Variants in CCDC187 observed in about 807,000 individuals in gnomAD.
CCDC187 encodes the protein coiled-coil domain-containing protein 187.
CCDC187 carries 32 observed loss-of-function variants against 38.0 expected under a neutral mutation model. The ratio of observed to expected loss-of-function variants is 0.84; its 90% CI spans 0.64 to 1.13. The LOEUF (loss-of-function observed/expected upper bound fraction) is 1.13. Ranked by LOEUF, CCDC187 falls within the 50% of genes most tolerant of loss-of-function variation. The probability of loss-of-function intolerance (pLI) is 0.00; values close to 1 mark genes in which losing one functional copy is unlikely to be tolerated. For missense variants in CCDC187, 707 were observed against 786.8 expected (o/e 0.90, Z 1.21); for synonymous variants, 333 against 347.9 (o/e 0.96, Z 0.48).
In CCDC187 at chr9:136,274,957, C is replaced by G. The variant is rs1354754991; in HGVS notation, c.3276G>C (p.Lys1092Asn). The G allele has an allele frequency of 2.3e-4, 35 of 152,458 alleles. No homozygotes were observed. Among genetic ancestry groups the G allele is most frequent in the Admixed American group, 2.3e-3 (35 of 15,292 alleles). The allele number at this position is 152,458 out of a possible 1,614,324, so 9.4% of individuals were successfully genotyped here. A position where few individuals can be genotyped will look rare whatever the true frequency, so the allele number is the denominator to read the frequency against. ...STQARPEEAL[K>N]LEQPPMCKDR... ...CCTTGCACATCGGAGGCTGCTCCAGCTTCAACGCCTCCTCTGGCCTGGCCT... is the reference window on the plus strand; with the variant it reads ...CCTTGCACATCGGAGGCTGCTCCAGGTTCAACGCCTCCTCTGGCCTGGCCT... Residue 1092 changes from lysine (K) to asparagine (N), a missense_variant, in exon 13 of 26, where the codon AAG becomes AAC. Physicochemically the swap from Lys to Asn is moderately conservative, Grantham distance 94 (BLOSUM62 0). Transcript: ENST00000638797.
intron 4 of CCDC187, among the ~76,000 whole-genome samples, chr9:136,293,669 C>T (rs926775362): frequency 0.076 from 10,965 of 143,352 alleles, 450 homozygotes; most frequent in East Asian, 0.2. Flanking sequence ...CTCTGTCACA[C>T]GCATGCCCTC....
intron 14 of CCDC187, among the ~76,000 whole-genome samples, chr9:136,270,584 G>C (rs1391445788): frequency 6.6e-6 from 1 of 152,156 alleles, no homozygotes; most frequent in Non-Finnish European, 1.5e-5. Flanking sequence ...AGACAAGGAG[G>C]GTGACCACTG....
rs34953600 is a variant in CCDC187, at chr9:136,254,639, G to A, written c.5189C>T (p.Pro1730Leu). Residue 1730 changes from proline (P) to leucine (L), a missense_variant, in exon 26 of 26, where the codon CCG becomes CTG. Transcript: ENST00000638797. ...LDTAMAEVSA[P>L]EQSPKAGWLL... ...CCAGCCTGCCTTTGGGCTTTGCTCC[G>A]GCGCTGAAACTTCTGCCATGGCCGT... 3.1e-4 allele frequency: 303 copies of A among 985,532 alleles called. 5 individuals are homozygous for A. In the East Asian group the frequency reaches 0.024, roughly 79 times the overall value. 61.0% of individuals were successfully genotyped at this position (985,532 alleles called of 1,614,324 possible). A position where few individuals can be genotyped will look rare whatever the true frequency, so the allele number is the denominator to read the frequency against.
chr9:136,283,295 G>A (rs1016629744), intron 9 of CCDC187, among the ~76,000 whole-genome samples: 13 of 152,310 alleles, frequency 8.5e-5, no homozygotes, highest in South Asian at 4.2e-4. Flanking sequence ...TCTGAGAGGC[G>A]GCCGGGATCT....
chr9:136,270,068 A>G (rs1554762165), intron 14 of CCDC187, among the ~76,000 whole-genome samples: 1 of 152,284 alleles, frequency 6.6e-6, no homozygotes, highest in Non-Finnish European at 1.5e-5. Flanking sequence ...AAAGAATAAA[A>G]GAATACAAAG....
intron 17 of CCDC187, 91 bp downstream of exon 17, chr9:136,265,865 G>A (rs782618862): frequency 2.9e-5 from 18 of 626,076 alleles, no homozygotes; most frequent in Non-Finnish European, 3.4e-5. Context: ...TAGCTCTGTT[G>A]CTGGGGAATG....
chr9:136,274,332 G>C (rs573460101), intron 14 of CCDC187, among the ~76,000 whole-genome samples: 2 of 152,344 alleles, frequency 1.3e-5, no homozygotes, highest in African/African-American at 4.8e-5. Context: ...TGGTCCCCCA[G>C]CTCTAGGGAA....
chr9:136,281,122 C>T (rs1486205275), intron 10 of CCDC187: 3 of 299,200 alleles, frequency 1.0e-5, no homozygotes, highest in African/African-American at 4.3e-5. Flanking sequence ...GCACGAGGCC[C>T]TCAAGCCCAG....
chr9:136,288,277 G>A (rs1315928627), intron 7 of CCDC187, among the ~76,000 whole-genome samples: 2 of 152,192 alleles, frequency 1.3e-5, no homozygotes, highest in Non-Finnish European at 2.9e-5. Flanking sequence ...TCCCGGGAAA[G>A]AATCCCAAAA....
chr9:136,250,945 C>T lies in CCDC187; in HGVS notation c.*2649G>A, dbSNP rs1353149252. The T allele has an allele frequency of 2.2e-6, 1 of 454,068 alleles. No individual in the cohort carries two copies. The highest frequency in any genetic ancestry group is 4.4e-6 in the Non-Finnish European group (1 of 225,246). The allele number at this position is 454,068 out of a possible 1,614,324, so 28.1% of individuals were successfully genotyped here. A position where few individuals can be genotyped will look rare whatever the true frequency, so the allele number is the denominator to read the frequency against. ...AGGGGCCTGGGGTCTCTCACCAGAG[C>T]TATGGGGTAGAGGGCCTTGGCAGCT... On this transcript the variant is annotated 3_prime_UTR_variant, in exon 26 of 26. Transcript: ENST00000638797.
At chr9:136,279,118 T>G (rs1421991566) in intron 10 of CCDC187, among the ~76,000 whole-genome samples, 1 of 152,034 alleles carries the variant, frequency 6.6e-6, no homozygotes, top group African/African-American at 2.4e-5. Flanking sequence ...ACAGAGCTAG[T>G]CTACATGTTT....
At position 136,251,369 on chromosome 9, in the gene CCDC187, C is replaced by T. The variant is rs1260046735; in HGVS notation, c.*2225G>A. The T allele has an allele frequency of 2.6e-5, 7 of 268,650 alleles. No individual in the cohort carries two copies. Among genetic ancestry groups the T allele is most frequent in the East Asian group, 1.8e-4 (2 of 10,878 alleles). The allele number at this position is 268,650 out of a possible 1,614,324, so 16.6% of individuals were successfully genotyped here. A position where few individuals can be genotyped will look rare whatever the true frequency, so the allele number is the denominator to read the frequency against. Reference sequence around the variant, plus strand: ...GATCCCCAGAGGAAAAGCCCCCGGCCGTGCGGGCTGCGCAGAAATGACCTT... The same window carrying T: ...GATCCCCAGAGGAAAAGCCCCCGGCTGTGCGGGCTGCGCAGAAATGACCTT... On this transcript the variant is annotated 3_prime_UTR_variant, in exon 26 of 26. Transcript: ENST00000638797.
intron 10 of CCDC187, among the ~76,000 whole-genome samples, chr9:136,277,014 G>A (rs1267699648): frequency 6.6e-6 from 1 of 152,044 alleles, no homozygotes; most frequent in Admixed American, 6.5e-5. Context: ...TGCTAAGGCT[G>A]GCTCTGCCTG....
intron 19 of CCDC187, among the ~76,000 whole-genome samples, chr9:136,261,286 G>T (rs890436627): frequency 3.3e-5 from 5 of 152,172 alleles, no homozygotes; most frequent in Non-Finnish European, 5.9e-5. Flanking sequence ...GCAAAACACC[G>T]CAGGCGAGCT....
intron 10 of CCDC187, among the ~76,000 whole-genome samples, chr9:136,277,616 C>T (rs1830958396): frequency 6.6e-6 from 1 of 152,130 alleles, no homozygotes; most frequent in Non-Finnish European, 1.5e-5. Flanking sequence ...ATGAAAACCT[C>T]AGCCTCTTCC....
chr9:136,252,470 C>G lies in CCDC187; in HGVS notation c.*1124G>C, dbSNP rs1216905299. ...GGCAACCGTCCCGCACAGCCGGCCG[C>G]CCACCCGGTCCACCCTGGGAAGGTC... On this transcript the variant is annotated 3_prime_UTR_variant, in exon 26 of 26. Transcript: ENST00000638797. 5.0e-6 allele frequency: 1 copy of G among 201,732 alleles called. No homozygotes were observed. The highest frequency in any genetic ancestry group is 1.0e-5 in the Non-Finnish European group (1 of 96,496). 12.5% of individuals were successfully genotyped at this position (201,732 alleles called of 1,614,324 possible).
At chr9:136,292,470 C>T (rs1025293809) in intron 4 of CCDC187, among the ~76,000 whole-genome samples, 175 bp from the exon 5 acceptor site, 1 of 152,188 alleles carries the variant, frequency 6.6e-6, no homozygotes, top group Admixed American at 6.5e-5. Flanking sequence ...GGACCCTCAG[C>T]CTGCACAGGG....
chr9:136,302,133 C>T (rs1831701413), intron 2 of CCDC187, among the ~76,000 whole-genome samples: 1 of 151,980 alleles, frequency 6.6e-6, no homozygotes, highest in East Asian at 1.9e-4. Context: ...TCGCTTGAAC[C>T]CGCAATGAGA....
At chr9:136,260,378 C>T (rs1316277273) in intron 19 of CCDC187, 114 bp from the exon 20 acceptor site, 2 of 803,072 alleles carry the variant, frequency 2.5e-6, no homozygotes, top group East Asian at 1.3e-4. Flanking sequence ...CCTCATGTCA[C>T]ATCCAGGGAT....
Sources: allele counts gnomAD v4.1 joint callset (sites outside exome capture counted in the v4.1 genomes callset), GRCh38; gene constraint gnomAD v4.1.1; transcripts MANE v1.5; gene names NCBI Gene and HGNC (gene_info 2026-07-23, HGNC 2026-07-21).